The following KLHL29 variants were observed in gnomAD, a reference collection of about 807,000 sequenced individuals.
KLHL29 encodes kelch like family member 29.
A neutral mutation model predicts 80.4 loss-of-function variants in KLHL29; 21 were observed. The observed-to-expected ratio is 0.26, with a 90% CI of 0.19 to 0.38. The LOEUF (loss-of-function observed/expected upper bound fraction) is 0.38, where lower values mean the gene tolerates loss of function less well. Among genes scored for constraint, KLHL29 ranks in the 10% least tolerant of loss-of-function variants. The pLI is 1.00. For synonymous variants in KLHL29, 511 were observed against 526.8 expected (o/e 0.97, Z 0.41); for missense variants, 867 against 1,223.9 (o/e 0.71, Z 4.35).
chr2:23,507,776 T>C (rs1665646693), intron 2 of KLHL29, among the ~76,000 whole-genome samples: 1 of 152,120 alleles, frequency 6.6e-6, no homozygotes, highest in African/African-American at 2.4e-5. Context: ...GCTCTGACCT[T>C]TGACAAGTCA....
chr2:23,705,888 T>C (rs1315441702), intron 13 of KLHL29, among the ~76,000 whole-genome samples: 2 of 152,120 alleles, frequency 1.3e-5, no homozygotes, highest in African/African-American at 4.8e-5. Flanking sequence ...AGGAGCTGAC[T>C]GAGACAACAG....
intron 1 of KLHL29, among the ~76,000 whole-genome samples, chr2:23,469,283 T>C (rs1275722437): frequency 3.3e-5 from 5 of 152,080 alleles, no homozygotes; most frequent in Non-Finnish European, 7.4e-5. Context: ...CTGGAGGGTG[T>C]TGGAGAAAAG....
At chr2:23,661,437 C>T (rs1011646226) in intron 5 of KLHL29, among the ~76,000 whole-genome samples, 2 of 152,188 alleles carry the variant, frequency 1.3e-5, no homozygotes, top group Admixed American at 1.3e-4. Context: ...TGTATCCCCA[C>T]CCCCAGACAG....
chr2:23,472,660 T>G (rs1307963504), intron 1 of KLHL29, among the ~76,000 whole-genome samples: 1 of 151,934 alleles, frequency 6.6e-6, no homozygotes, highest in Non-Finnish European at 1.5e-5. Context: ...AAACAAAACC[T>G]TGATAAATAT....
At chr2:23,555,504 T>A (rs1215076713) in intron 2 of KLHL29, among the ~76,000 whole-genome samples, 1 of 152,020 alleles carries the variant, frequency 6.6e-6, no homozygotes, top group African/African-American at 2.4e-5. Context: ...CACCCCATGA[T>A]GCTGACCATG....
chr2:23,530,035 T>C (rs1208858069), intron 2 of KLHL29, among the ~76,000 whole-genome samples: 3 of 152,230 alleles, frequency 2.0e-5, no homozygotes, highest in Admixed American at 6.5e-5. Flanking sequence ...CTCTTCAATA[T>C]GTGGCTTCAG....
Position 23,684,860 on chromosome 2 carries a change from G to A in KLHL29, c.1079+323G>A, listed in dbSNP as rs893706019. Among the ~76,000 whole-genome samples, 15 of 152,136 alleles carry A rather than the reference G, an allele frequency of 9.9e-5. No individual in the cohort carries two copies. The highest frequency in any genetic ancestry group is 3.6e-4 in the African/African-American group (15 of 41,426). On this transcript the variant is annotated intron_variant, in intron 6 of 13. Transcript: ENST00000486442. The surrounding 1 kb of genome is among the most constrained non-coding windows in gnomAD (Gnocchi z 4.4). ...TCTCAGTGGCTCACAAGCTGTCCCT[G>A]AGATTAGGGGGGACTGTAGGCTCCA...
intron 1 of KLHL29, among the ~76,000 whole-genome samples, chr2:23,447,378 C>T (rs1663727512): frequency 6.6e-6 from 1 of 152,174 alleles, no homozygotes; most frequent in Non-Finnish European, 1.5e-5. Flanking sequence ...CCCTTTAGGC[C>T]CCCATTTGCT....
At chr2:23,683,693 C>T (rs942408736) in intron 5 of KLHL29, among the ~76,000 whole-genome samples, 3 of 152,206 alleles carry the variant, frequency 2.0e-5, no homozygotes, top group Non-Finnish European at 2.9e-5. Flanking sequence ...AAAGCAGGCT[C>T]TGCCCCATGT....
intron 1 of KLHL29, among the ~76,000 whole-genome samples, chr2:23,419,589 A>G (rs954847161): frequency 6.6e-6 from 1 of 152,164 alleles, no homozygotes; most frequent in African/African-American, 2.4e-5. Flanking sequence ...TTTCATTCTG[A>G]AAGTATGTCC....
rs1229373045 is a variant in KLHL29, at chr2:23,661,871, G to A, written c.940+19021G>A. ...CTCCTGAGCCAGCCAAACGGTGCCTGCCCTTGTATAGGAGGAGACCCTGGG... is the reference window on the plus strand; with the variant it reads ...CTCCTGAGCCAGCCAAACGGTGCCTACCCTTGTATAGGAGGAGACCCTGGG... On this transcript the variant is annotated intron_variant, in intron 5 of 13. Transcript: ENST00000486442. Among the ~76,000 whole-genome samples, 3 of 152,266 alleles carry A rather than the reference G, an allele frequency of 2.0e-5. No individual in the cohort carries two copies. The East Asian group carries it at 5.8e-4, about 29-fold the overall frequency.
intron 1 of KLHL29, among the ~76,000 whole-genome samples, chr2:23,424,259 T>G (rs1387751885): frequency 6.6e-6 from 1 of 152,224 alleles, no homozygotes; most frequent in African/African-American, 2.4e-5. Context: ...TATGGAACTT[T>G]GGGAGCCTCT....
At chr2:23,663,753 A>G (rs1282961215) in intron 5 of KLHL29, among the ~76,000 whole-genome samples, 1 of 152,256 alleles carries the variant, frequency 6.6e-6, no homozygotes, top group Non-Finnish European at 1.5e-5. Flanking sequence ...AAGCAGCAGA[A>G]ATTTATGGAA....
intron 1 of KLHL29, among the ~76,000 whole-genome samples, chr2:23,436,706 G>A (rs1262705976): frequency 6.6e-6 from 1 of 152,270 alleles, no homozygotes. Flanking sequence ...TGGAGATGCA[G>A]CCTGGCTTCC....
intron 2 of KLHL29, among the ~76,000 whole-genome samples, chr2:23,489,419 G>A (rs796836552): frequency 1.5e-4 from 23 of 152,194 alleles, no homozygotes; most frequent in African/African-American, 5.5e-4. Context: ...TATCTGACCT[G>A]AATCTCCCTT....
intron 3 of KLHL29, among the ~76,000 whole-genome samples, chr2:23,568,882 G>T (rs1667651206): frequency 6.6e-6 from 1 of 152,192 alleles, no homozygotes; most frequent in African/African-American, 2.4e-5. Context: ...CTCTCATATG[G>T]CCTGGTATAG....
intron 2 of KLHL29, among the ~76,000 whole-genome samples, chr2:23,538,482 G>A (rs1368334639): frequency 6.6e-6 from 1 of 152,194 alleles, no homozygotes; most frequent in Non-Finnish European, 1.5e-5. Flanking sequence ...GTCATCCTTT[G>A]TCAGCTCCTT....
chr2:23,387,539 T>C (rs959047394), intron 1 of KLHL29, among the ~76,000 whole-genome samples: 1 of 136,224 alleles, frequency 7.3e-6, no homozygotes, highest in Non-Finnish European at 1.5e-5. Flanking sequence ...TTATTATTAT[T>C]ATTATTATGG....
chr2:23,671,149 C>G (rs1441786221), intron 5 of KLHL29, among the ~76,000 whole-genome samples: 2 of 151,754 alleles, frequency 1.3e-5, no homozygotes, highest in Admixed American at 6.6e-5. Flanking sequence ...GGTAACTAAA[C>G]TGATTGTACT....
Sources: gnomAD v4.1 joint callset for allele counts (sites outside exome capture counted in the v4.1 genomes callset) on GRCh38, gnomAD v4.1.1 for gene constraint, Gnocchi (gnomAD v3.1) non-coding constraint, MANE v1.5 for transcripts, NCBI Gene and HGNC (gene_info 2026-07-23, HGNC 2026-07-21) for gene names.